Variants in OSBPL8 observed in about 807,000 individuals in gnomAD.
The protein encoded by OSBPL8 is oxysterol-binding protein-related protein 8.
In OSBPL8, 59 loss-of-function variants were observed where a neutral mutation model predicts 125.5. The ratio of observed to expected loss-of-function variants is 0.47; its 90% CI spans 0.38 to 0.58. OSBPL8 has a LOEUF of 0.58. Among genes scored for constraint, OSBPL8 ranks in the 20% least tolerant of loss-of-function variants. The probability of loss-of-function intolerance (pLI) is 0.00; values close to 1 mark genes in which losing one functional copy is unlikely to be tolerated. For missense variants in OSBPL8, 758 were observed against 1,047.8 expected, an observed-to-expected ratio of 0.72 and a Z score of 3.82; for synonymous variants, 330 against 338.9, an observed-to-expected ratio of 0.97 and a Z score of 0.29.
At chr12:76,501,030 T>C (rs1440271786) in intron 1 of OSBPL8, among the ~76,000 whole-genome samples, 1 of 152,202 alleles carries the variant, frequency 6.6e-6, no homozygotes, top group Non-Finnish European at 1.5e-5. Context: ...CTTTGGTTAA[T>C]AAACTTATAA....
intron 4 of OSBPL8, among the ~76,000 whole-genome samples, chr12:76,429,317 A>G (rs1367123044): frequency 8.0e-6 from 1 of 125,224 alleles, no homozygotes. Flanking sequence ...ATAAAAATTT[A>G]GTGAGCACCT....
rs547205377 is a variant in OSBPL8 at position 76,376,415 on chromosome 12, T to C, written c.1730-1045A>G. The stretch of plus-strand genomic sequence containing the variant: ...TGGAACTCTTATTTTACAAAACAAT[T>C]TGTGAGACTAGTGACTTGGGGGAAC... On this transcript the variant is annotated intron_variant, in intron 16 of 23. Transcript: ENST00000261183. Among the ~76,000 whole-genome samples, 7 of 152,258 alleles carry C rather than the reference T, an allele frequency of 4.6e-5. No homozygotes were observed. The East Asian group carries it at 9.7e-4, about 21-fold the overall frequency.
At chr12:76,372,580 T>C (rs951099549) in intron 18 of OSBPL8, among the ~76,000 whole-genome samples, 12 of 152,110 alleles carry the variant, frequency 7.9e-5, no homozygotes, top group Non-Finnish European at 1.5e-4. Context: ...AGAGTGTATG[T>C]GGCCACTTAA....
intron 2 of OSBPL8, among the ~76,000 whole-genome samples, chr12:76,482,158 A>C (rs1427097190): frequency 6.6e-6 from 1 of 152,240 alleles, no homozygotes; most frequent in Admixed American, 6.5e-5. Context: ...CTCAACTGAG[A>C]GCATAAAAAA....
intron 6 of OSBPL8, among the ~76,000 whole-genome samples, 159 bp from the exon 7 acceptor site, chr12:76,400,133 T>C (rs1592606927): frequency 6.6e-6 from 1 of 152,138 alleles, no homozygotes; most frequent in Non-Finnish European, 1.5e-5. Context: ...CTAGTACCCA[T>C]TAGTTACTTT....
intron 6 of OSBPL8, 120 bp from the exon 7 acceptor site, chr12:76,400,094 G>A: frequency 1.4e-6 from 1 of 708,832 alleles, no homozygotes; most frequent in South Asian, 2.1e-5. Flanking sequence ...GGGTTTTGTT[G>A]TACATATTTT....
Position 76,389,767 on chromosome 12 carries a change from T to C in OSBPL8, c.1230A>G (p.Leu410=), listed in dbSNP as rs762372939. The C allele has an allele frequency of 1.2e-5, 19 of 1,597,816 alleles. No homozygotes were observed. The South Asian group carries it at 1.5e-4, about 12-fold the overall frequency. Residue 410 remains leucine, a synonymous_variant, in exon 12 of 24, where the codon CTA becomes CTG. Transcript: ENST00000261183. ...CCATGCCAGGACGGACTTGTTTCAA[T>C]AGTGTCCAGATAAGGCTTTTGTTTT... is the stretch of plus-strand genomic sequence containing the variant. The part of the protein sequence containing the change: ...SEENKSLIWT[L]LKQVRPGMDL...
At chr12:76,486,300 A>G (rs1174658421) in intron 2 of OSBPL8, among the ~76,000 whole-genome samples, 4 of 152,182 alleles carry the variant, frequency 2.6e-5, no homozygotes, top group Admixed American at 2.0e-4. Flanking sequence ...TAAAATTTAC[A>G]AACACCGCAA....
chr12:76,428,063 A>T (rs572652667), intron 4 of OSBPL8, among the ~76,000 whole-genome samples: 6 of 152,206 alleles, frequency 3.9e-5, no homozygotes, highest in Non-Finnish European at 5.9e-5. Context: ...CCAAATTAGA[A>T]AACACTGATG....
intron 6 of OSBPL8, among the ~76,000 whole-genome samples, chr12:76,401,002 T>C (rs1954030881): frequency 6.6e-6 from 1 of 152,004 alleles, no homozygotes; most frequent in Non-Finnish European, 1.5e-5. Flanking sequence ...TTGGCCAGAA[T>C]AGTCTTGAAC....
At position 76,450,975 on chromosome 12, in the gene OSBPL8, G is replaced by C. The variant is rs766385777; in HGVS notation, c.93C>G (p.Asn31Lys). 6.2e-7 allele frequency: 1 copy of C among 1,613,460 alleles called. No homozygotes were observed. The highest frequency in any genetic ancestry group is 1.1e-5 in the South Asian group (1 of 91,016). ...DVLGPSTVVANSDESQLLTPG... is the reference protein window; with the variant it reads ...DVLGPSTVVAKSDESQLLTPG... Reference sequence around the variant, plus strand: ...GTGTCAGAAGCTGAGATTCGTCACTGTTTGCTACAACAGCTCAAGGAAAGA... The same window carrying C: ...GTGTCAGAAGCTGAGATTCGTCACTCTTTGCTACAACAGCTCAAGGAAAGA... Residue 31 changes from asparagine to lysine, a missense_variant, in exon 4 of 24, where the codon AAC (asparagine) becomes AAG (lysine). Physicochemically the swap from Asn to Lys is moderately conservative, Grantham distance 94. Around this residue, in one of 3 missense-constraint regions of OSBPL8, gnomAD observed 117 missense variants for 137.1 expected, o/e 0.85. Coordinates refer to ENST00000261183, the MANE Select transcript of OSBPL8 (RefSeq NM_020841.5).
intron 18 of OSBPL8, 29 bp from the exon 19 acceptor site, chr12:76,371,613 T>C: frequency 6.6e-7 from 1 of 1,509,794 alleles, no homozygotes; most frequent in Non-Finnish European, 8.9e-7. Context: ...AAAATTAATG[T>C]AAAGAATTAT....
chr12:76,464,718 T>C (rs1875187481), intron 2 of OSBPL8, among the ~76,000 whole-genome samples: 1 of 152,202 alleles, frequency 6.6e-6, no homozygotes, highest in Admixed American at 6.5e-5. Flanking sequence ...TTCCATCCCT[T>C]TGGCACAGCA....
At chr12:76,370,262 G>T (rs1462436833) in intron 19 of OSBPL8, among the ~76,000 whole-genome samples, 3 of 152,120 alleles carry the variant, frequency 2.0e-5, no homozygotes, top group Admixed American at 6.6e-5. Flanking sequence ...AATTATCAGA[G>T]AATTTTTATA....
At chr12:76,444,167 C>T (rs1454956200) in intron 4 of OSBPL8, among the ~76,000 whole-genome samples, 8 of 151,924 alleles carry the variant, frequency 5.3e-5, no homozygotes, top group Non-Finnish European at 1.2e-4. Context: ...TGGTATGAGT[C>T]AATATACATA....
At chr12:76,490,250 C>T (rs1878568492) in intron 1 of OSBPL8, among the ~76,000 whole-genome samples, 1 of 152,178 alleles carries the variant, frequency 6.6e-6, no homozygotes, top group Non-Finnish European at 1.5e-5. Flanking sequence ...AACGGCAGGT[C>T]CCTGGCAAAA....
chr12:76,531,978 A>C (rs1950351132), intron 1 of OSBPL8, among the ~76,000 whole-genome samples: 2 of 144,964 alleles, frequency 1.4e-5, no homozygotes, highest in African/African-American at 5.1e-5. Context: ...CGGAGCTTGC[A>C]GTGAGCCGAG....
chr12:76,481,520 C>T (rs1248162597), intron 2 of OSBPL8, among the ~76,000 whole-genome samples: 1 of 152,022 alleles, frequency 6.6e-6, no homozygotes, highest in Non-Finnish European at 1.5e-5. Context: ...GTCCAAGCTA[C>T]TCTGGAGGCT....
chr12:76,439,949 TTTAA>T (rs1265914908), intron 4 of OSBPL8, among the ~76,000 whole-genome samples: 65 of 152,222 alleles, frequency 4.3e-4, no homozygotes, highest in Admixed American at 1.3e-3. Context: ...TTGCCTTCTA[TTTAA>T]TTAACTTATT....
Sources: allele counts gnomAD v4.1 joint callset (sites outside exome capture counted in the v4.1 genomes callset), GRCh38; gene constraint gnomAD v4.1.1; regional missense constraint gnomAD v4.1.1; transcripts MANE v1.5; gene names NCBI Gene and HGNC (gene_info 2026-07-23, HGNC 2026-07-21).